Variants in NAV2 observed in about 807,000 individuals in gnomAD.
NAV2 encodes the protein helicase, APC down-regulated 1.
A neutral mutation model predicts 223.2 loss-of-function variants in NAV2; 54 were observed. The ratio of observed to expected loss-of-function variants is 0.24; its 90% CI spans 0.19 to 0.30. NAV2 has a LOEUF of 0.30. Ranked by LOEUF, NAV2 falls within the 10% of genes least tolerant of loss-of-function variation. The pLI is 1.00. For missense variants in NAV2, 2,806 were observed against 3,147.5 expected (o/e 0.89, Z 2.60); for synonymous variants, 1,279 against 1,239.3 (o/e 1.03, Z -0.67).
At chr11:19,757,269 C>A (rs1270320869) in intron 1 of NAV2, among the ~76,000 whole-genome samples, 1 of 152,102 alleles carries the variant, frequency 6.6e-6, no homozygotes, top group Admixed American at 6.5e-5. Flanking sequence ...TATAAGGGAG[C>A]GGGCTTGAGA....
chr11:20,021,660 C>T (rs1422952769), intron 11 of NAV2, among the ~76,000 whole-genome samples: 2 of 152,212 alleles, frequency 1.3e-5, no homozygotes, highest in African/African-American at 2.4e-5. Flanking sequence ...CTGGACACTA[C>T]TCCTTCCCTC....
At chr11:19,467,913 T>C (rs972428890) in intron 1 of NAV2, among the ~76,000 whole-genome samples, 12 of 152,126 alleles carry the variant, frequency 7.9e-5, no homozygotes, top group Admixed American at 2.0e-4. Context: ...ATGTGCTTCA[T>C]AGCCATGGAA....
chr11:19,919,416 G>T (rs2044079408), intron 6 of NAV2, among the ~76,000 whole-genome samples: 1 of 152,070 alleles, frequency 6.6e-6, no homozygotes, highest in African/African-American at 2.4e-5. Flanking sequence ...CACCACTCCA[G>T]ACAGTGAGAA....
At chr11:20,015,707 A>G (rs1288280582) in intron 11 of NAV2, among the ~76,000 whole-genome samples, 1 of 152,192 alleles carries the variant, frequency 6.6e-6, no homozygotes, top group African/African-American at 2.4e-5. Flanking sequence ...TGCCTGGCAC[A>G]CAAAAGTCAA....
At chr11:19,567,931 C>T (rs912731386) in intron 1 of NAV2, among the ~76,000 whole-genome samples, 2 of 152,194 alleles carry the variant, frequency 1.3e-5, no homozygotes, top group African/African-American at 2.4e-5. Context: ...TGTGTACCCT[C>T]GCATCCTAAC....
chr11:19,993,208 A>G (rs1443327390), intron 11 of NAV2, among the ~76,000 whole-genome samples: 1 of 152,230 alleles, frequency 6.6e-6, no homozygotes, highest in African/African-American at 2.4e-5. Context: ...ATGCTGCATA[A>G]CAAACAATTC....
chr11:19,757,757 G>T (rs1296904372), intron 1 of NAV2, among the ~76,000 whole-genome samples: 1 of 152,106 alleles, frequency 6.6e-6, no homozygotes, highest in East Asian at 1.9e-4. Context: ...ACTTTTCATG[G>T]ATTGTCCTAT....
chr11:20,014,090 C>T (rs1185482945), intron 11 of NAV2, among the ~76,000 whole-genome samples: 1 of 152,160 alleles, frequency 6.6e-6, no homozygotes, highest in African/African-American at 2.4e-5. Flanking sequence ...AGATCAGAGT[C>T]CCCAACTGTT....
intron 11 of NAV2, among the ~76,000 whole-genome samples, chr11:19,997,024 G>C (rs191894840): frequency 6.6e-6 from 1 of 152,204 alleles, no homozygotes; most frequent in Non-Finnish European, 1.5e-5. Context: ...TACGGTTTCT[G>C]TACTGGCAAA....
At chr11:20,023,266 G>A in intron 11 of NAV2, 1 of 471,852 alleles carries the variant, frequency 2.1e-6, no homozygotes, top group Non-Finnish European at 3.5e-6. Context: ...TGTGAGCTAT[G>A]TGGTGGTGTG....
chr11:19,487,156 C>A (rs1188566423), intron 1 of NAV2, among the ~76,000 whole-genome samples: 1 of 152,150 alleles, frequency 6.6e-6, no homozygotes, highest in South Asian at 2.1e-4. Flanking sequence ...GCTCTCTGAG[C>A]CTGGGTCTGA....
intron 1 of NAV2, among the ~76,000 whole-genome samples, chr11:19,585,986 G>T (rs1399766846): frequency 6.6e-6 from 1 of 152,164 alleles, no homozygotes; most frequent in Non-Finnish European, 1.5e-5. Flanking sequence ...TTCCAACTTT[G>T]TTCCATTCTC....
intron 1 of NAV2, among the ~76,000 whole-genome samples, chr11:19,446,590 A>AG (rs929787374): frequency 2.0e-5 from 3 of 152,076 alleles, no homozygotes; most frequent in Non-Finnish European, 4.4e-5. Context: ...AGGTGATAGC[A>AG]GGGGGTTAGC....
intron 1 of NAV2, among the ~76,000 whole-genome samples, chr11:19,580,082 A>G (rs2045672293): frequency 6.6e-6 from 1 of 152,180 alleles, no homozygotes; most frequent in Admixed American, 6.5e-5. Flanking sequence ...TGAATGGGAT[A>G]TATTTATTTC....
intron 1 of NAV2, among the ~76,000 whole-genome samples, chr11:19,604,748 T>C (rs1037302703): frequency 1.3e-4 from 20 of 152,216 alleles, no homozygotes; most frequent in African/African-American, 4.6e-4. Flanking sequence ...TCTTGAATTG[T>C]AGCTCCTGCA....
intron 1 of NAV2, among the ~76,000 whole-genome samples, chr11:19,355,707 C>T (rs899180825): frequency 1.4e-4 from 22 of 152,156 alleles, no homozygotes; most frequent in African/African-American, 5.3e-4. Flanking sequence ...CCCTTGTTTC[C>T]ATTTCTCTTT....
chr11:20,095,433 C>A (rs181631094), intron 29 of NAV2, among the ~76,000 whole-genome samples: 8 of 152,282 alleles, frequency 5.3e-5, no homozygotes, highest in African/African-American at 1.9e-4. Flanking sequence ...GCAAAAGTTT[C>A]CATATTCCAG....
At chr11:20,057,294 G>T (rs935462587) in intron 19 of NAV2, among the ~76,000 whole-genome samples, 1 of 152,216 alleles carries the variant, frequency 6.6e-6, no homozygotes, top group Non-Finnish European at 1.5e-5. Context: ...AAGTTTTAAA[G>T]AATGTATTTA....
chr11:19,714,880 A>G (rs1328325176), intron 1 of NAV2, among the ~76,000 whole-genome samples: 2 of 152,168 alleles, frequency 1.3e-5, no homozygotes, highest in Admixed American at 1.3e-4. Context: ...GGAGGGGGCT[A>G]TATTTTCTTG....
Sources: gnomAD v4.1 joint callset for allele counts (sites outside exome capture counted in the v4.1 genomes callset) on GRCh38, gnomAD v4.1.1 for gene constraint, MANE v1.5 for transcripts, NCBI Gene and HGNC (gene_info 2026-07-23, HGNC 2026-07-21) for gene names.